Variants in MICU2 observed in about 807,000 individuals in gnomAD.
MICU2 encodes mitochondrial calcium uptake 2, also known as calcium uptake protein 2, mitochondrial.
A neutral mutation model predicts 60.4 loss-of-function variants in MICU2; 64 were observed. That is an observed-to-expected ratio of 1.06 (90% CI 0.87 to 1.31). The LOEUF (loss-of-function observed/expected upper bound fraction) is 1.31. Ranked by LOEUF, MICU2 falls within the 50% of genes most tolerant of loss-of-function variation. The probability of loss-of-function intolerance (pLI) is 0.00; values close to 1 mark genes in which losing one functional copy is unlikely to be tolerated. For synonymous variants in MICU2, 201 were observed against 175.0 expected (o/e 1.15, Z -1.17); for missense variants, 569 against 531.0 (o/e 1.07, Z -0.70).
intron 7 of MICU2, among the ~76,000 whole-genome samples, chr13:21,512,487 G>C (rs930695960): frequency 4.3e-5 from 5 of 116,202 alleles, no homozygotes; most frequent in Non-Finnish European, 8.3e-5. Context: ...TCGCTCTGTT[G>C]CCCAGGCTGG....
Position 21,530,834 on chromosome 13 carries a change from T to A in MICU2, c.467-8184A>T, listed in dbSNP as rs1210660414. On this transcript the variant is annotated intron_variant, in intron 4 of 11. Transcript: ENST00000382374. ...GGCCAGGCAAGCCGTGGTGCCCCCA[T>A]GGACGACGGGTTTCTGAGCCTGGAC... is the stretch of plus-strand genomic sequence containing the variant. The A allele has an allele frequency of 1.2e-5, 9 of 730,398 alleles. No homozygotes were observed. In the Admixed American group the frequency reaches 1.6e-4, roughly 13 times the overall value. The allele number at this position is 730,398 out of a possible 1,614,324, so 45.2% of individuals were successfully genotyped here.
chr13:21,499,342 G>C (rs1047596859), intron 9 of MICU2, among the ~76,000 whole-genome samples: 6 of 151,956 alleles, frequency 3.9e-5, no homozygotes, highest in African/African-American at 1.5e-4. Context: ...TCCTGTTTAT[G>C]TCCTTTGCCC....
intron 2 of MICU2, among the ~76,000 whole-genome samples, chr13:21,565,847 A>G (rs115080527): frequency 0.027 from 4,118 of 152,212 alleles, 182 homozygotes; most frequent in African/African-American, 0.093. Context: ...AAACAAACAA[A>G]ACCCTAAACA....
chr13:21,555,481 T>G (rs1887684691), intron 2 of MICU2, among the ~76,000 whole-genome samples: 1 of 152,212 alleles, frequency 6.6e-6, no homozygotes, highest in Admixed American at 6.5e-5. Flanking sequence ...TGCTTCATGC[T>G]AAAAACTCTC....
chr13:21,586,832 T>G (rs975557244), intron 1 of MICU2, among the ~76,000 whole-genome samples: 1 of 152,210 alleles, frequency 6.6e-6, no homozygotes, highest in South Asian at 2.1e-4. Flanking sequence ...ATCTTTCTAG[T>G]ATCAAGGTCA....
At chr13:21,508,652 T>C (rs985125599) in intron 8 of MICU2, among the ~76,000 whole-genome samples, 8 of 152,196 alleles carry the variant, frequency 5.3e-5, no homozygotes, top group African/African-American at 1.4e-4. Context: ...CCTCACCTTA[T>C]GCTTCCTACT....
intron 1 of MICU2, among the ~76,000 whole-genome samples, chr13:21,584,722 T>C (rs1888422252): frequency 6.6e-6 from 1 of 152,180 alleles, no homozygotes; most frequent in Non-Finnish European, 1.5e-5. Context: ...TTTATGAAGT[T>C]ATTGAGACAA....
chr13:21,566,870 T>C lies in MICU2; in HGVS notation c.285A>G (p.Ser95=). Residue 95 remains serine (S), a synonymous_variant, in exon 2 of 12, where the codon TCA becomes TCG. Transcript: ENST00000382374. ...TATAATATTCTCCTTCATGTTCGAGTGAAGAAAACTGCATGAAGCGCTGCT... is the reference window on the plus strand; with the variant it reads ...TATAATATTCTCCTTCATGTTCGAGCGAAGAAAACTGCATGAAGCGCTGCT... ...LRKQRFMQFS[S]LEHEGEYYMT... The C allele has an allele frequency of 6.2e-7, 1 of 1,613,024 alleles. No individual in the cohort carries two copies.
At chr13:21,514,281 C>T (rs373013579) in intron 7 of MICU2, 72 bp downstream of exon 7, 200 of 1,265,668 alleles carry the variant, frequency 1.6e-4, no homozygotes, top group East Asian at 6.4e-4. Flanking sequence ...TGGTAACTAT[C>T]GGGAATATCT....
chr13:21,493,088 A>G lies in MICU2; in HGVS notation c.*161T>C. The G allele has an allele frequency of 2.1e-6, 1 of 475,378 alleles. No individual in the cohort carries two copies. The highest frequency in any genetic ancestry group is 3.5e-5 in the East Asian group (1 of 28,328). 29.4% of individuals were successfully genotyped at this position (475,378 alleles called of 1,614,324 possible). The stretch of plus-strand genomic sequence containing the variant: ...TTTTATACTTACTTTTCTTTCTACT[A>G]AGTTCTTTAATAAAATTATGAATCA... On this transcript the variant is annotated 3_prime_UTR_variant, in exon 12 of 12. Coordinates refer to ENST00000382374, the MANE Select transcript of MICU2 (RefSeq NM_152726.3).
rs1566139468 is a variant in MICU2 at position 21,502,980 on chromosome 13, AGT to A, written c.877_878del (p.Thr293Ter). ...TTTTCCAATAAATATCTTTATTTTCAGTGTTAGTGAAAAAAAGTAGCCACTCT... is the reference window on the plus strand; with the variant it reads ...TTTTCCAATAAATATCTTTATTTTCAGTTAGTGAAAAAAAGTAGCCACTCT... ...FAEWLLFFTN[T>X]ENKDIYWKNV... On this transcript the variant is annotated frameshift_variant, in exon 9 of 12. Transcript: ENST00000382374. LOFTEE classifies it high-confidence loss of function. 1.9e-6 allele frequency: 3 copies of A among 1,612,066 alleles called. No individual in the cohort carries two copies. Among genetic ancestry groups the A allele is most frequent in the Non-Finnish European group, 2.5e-6 (3 of 1,179,508 alleles).
In MICU2 at chr13:21,495,266, ATTGT is replaced by A. The variant is rs1885965342; in HGVS notation, c.1091_1094del (p.Asn364IlefsTer27). 5 of 1,612,968 alleles carry A rather than the reference ATTGT, an allele frequency of 3.1e-6. No individual in the cohort carries two copies. Among genetic ancestry groups the A allele is most frequent in the South Asian group, 2.2e-5 (2 of 90,920 alleles). ...AGATCTTAAAGACAGTGTCCAAAAT[ATTGT>A]TTGAGAGTTCTTGTCCTGTTGCTAC... On this transcript the variant is annotated frameshift_variant, in exon 11 of 12. Transcript: ENST00000382374. LOFTEE classifies it high-confidence loss of function.
intron 1 of MICU2, among the ~76,000 whole-genome samples, chr13:21,573,523 C>T (rs1202367554): frequency 2.6e-5 from 4 of 152,148 alleles, no homozygotes; most frequent in South Asian, 2.1e-4. Context: ...CCGCCCACCT[C>T]GGCCTATAAA....
chr13:21,570,187 A>G (rs73443902), intron 1 of MICU2, among the ~76,000 whole-genome samples: 3,446 of 152,270 alleles, frequency 0.023, 135 homozygotes, highest in African/African-American at 0.08. Flanking sequence ...TGCTACAACA[A>G]AATTTATGTA....
rs145005196 is a variant in MICU2, at chr13:21,511,501, C to A, written c.664-1400G>T. On this transcript the variant is annotated intron_variant, in intron 7 of 11. Transcript: ENST00000382374. ...GAAAATAACTTTTTATTTTGGGATA[C>A]CTATAGATTTCACACACAATGGTAA... Among the ~76,000 whole-genome samples the A allele has an allele frequency of 7.9e-3, 1,204 of 152,232 alleles. 15 individuals are homozygous for A. The highest frequency in any genetic ancestry group is 0.028 in the African/African-American group (1,147 of 41,534).
chr13:21,539,624 A>G (rs758283948), intron 3 of MICU2, 33 bp downstream of exon 3: 95 of 1,613,768 alleles, frequency 5.9e-5, no homozygotes, highest in Middle Eastern at 1.6e-4. Context: ...TCTTACCAAA[A>G]ACAAACCCTG....
rs185906844 is a variant in MICU2, at chr13:21,554,178, G to A, written c.358+12619C>T. 2.8e-3 allele frequency among the ~76,000 whole-genome samples: 426 copies of A among 152,098 alleles called. 5 individuals are homozygous for A. Among genetic ancestry groups the A allele is most frequent in the African/African-American group, 8.7e-3 (359 of 41,500 alleles). On this transcript the variant is annotated intron_variant, in intron 2 of 11. Coordinates refer to ENST00000382374, the MANE Select transcript of MICU2 (RefSeq NM_152726.3). Reference sequence around the variant, plus strand: ...AATTGAACTCAGCTCTGCACCAAGCGGACCTAATAGACATCTACAGAACTC... The same window carrying A: ...AATTGAACTCAGCTCTGCACCAAGCAGACCTAATAGACATCTACAGAACTC...
intron 6 of MICU2, chr13:21,515,540 T>G (rs1886550354): frequency 4.5e-6 from 2 of 441,180 alleles, no homozygotes; most frequent in Non-Finnish European, 9.1e-6. Context: ...CTACCTGCCT[T>G]TCAGAATCAA....
intron 1 of MICU2, among the ~76,000 whole-genome samples, chr13:21,578,648 G>A (rs985412642): frequency 1.3e-5 from 2 of 152,086 alleles, no homozygotes; most frequent in Non-Finnish European, 2.9e-5. Flanking sequence ...AGTGGGTTAT[G>A]CTGATGTATT....
Sources: allele counts gnomAD v4.1 joint callset (sites outside exome capture counted in the v4.1 genomes callset), GRCh38; gene constraint gnomAD v4.1.1; transcripts MANE v1.5; gene names NCBI Gene and HGNC (gene_info 2026-07-23, HGNC 2026-07-21).